PUDP: variants seen among roughly 807,000 people sequenced by gnomAD.
PUDP encodes the protein pseudouridine 5'-phosphatase.
PUDP carries 8 observed loss-of-function variants against 9.4 expected under a neutral mutation model. The observed-to-expected ratio is 0.85, with a 90% CI of 0.50 to 1.53. PUDP has a LOEUF of 1.53. Among genes scored for constraint, PUDP ranks in the 40% most tolerant of loss-of-function variants. PUDP has a pLI of 0.00. For missense variants in PUDP, 188 were observed against 189.7 expected, an observed-to-expected ratio of 0.99 and a Z score of 0.05; for synonymous variants, 99 against 80.7, an observed-to-expected ratio of 1.23 and a Z score of -1.22.
chrX:6,981,248 T>C (rs1929028629), intron 1 of PUDP, among the ~76,000 whole-genome samples: 1 of 112,021 alleles, frequency 8.9e-6, no homozygotes, highest in Non-Finnish European at 1.9e-5. Flanking sequence ...TGGTCAGCAG[T>C]TGAGAACTGT....
At chrX:6,791,457 A>G (rs1304563875) in intron 3 of PUDP, among the ~76,000 whole-genome samples, 1 of 112,010 alleles carries the variant, frequency 8.9e-6, no homozygotes, top group East Asian at 2.8e-4. Context: ...AAGAGTAACC[A>G]AGGTTATGAA....
chrX:7,123,401 T>A (rs1445546395), intron 1 of PUDP, among the ~76,000 whole-genome samples: 3 of 111,477 alleles, frequency 2.7e-5, no homozygotes, highest in African/African-American at 6.5e-5. Context: ...AGAAATACAG[T>A]AAAGGACAGA....
intron 3 of PUDP, among the ~76,000 whole-genome samples, chrX:6,870,350 G>A (rs1927156403): frequency 8.9e-6 from 1 of 111,907 alleles, no homozygotes; most frequent in African/African-American, 3.3e-5. Flanking sequence ...GGGAACTGGT[G>A]GAAGGTAACT....
At chrX:6,843,619 G>A (rs949750221) in intron 3 of PUDP, among the ~76,000 whole-genome samples, 10 of 111,578 alleles carry the variant, frequency 9.0e-5, no homozygotes, top group Non-Finnish European at 3.8e-5. Context: ...ACAGCATGTC[G>A]ATGAGCGATG....
rs1193198518 is a variant in PUDP at position 7,049,475 on chromosome X, C to T, written c.*821G>A. The T allele has an allele frequency of 8.9e-6, 1 of 112,475 alleles. No individual in the cohort carries two copies. Among genetic ancestry groups the T allele is most frequent in the African/African-American group, 3.2e-5 (1 of 30,868 alleles). The allele number at this position is 112,475 out of a possible 1,213,427, so 9.3% of individuals were successfully genotyped here. A position where few individuals can be genotyped will look rare whatever the true frequency, so the allele number is the denominator to read the frequency against. ...CAAATGGTTGTTGTGAGGTAGCAAA[C>T]ATTTTCCAATGCAGGTAAGGATGTA... On this transcript the variant is annotated 3_prime_UTR_variant, in exon 4 of 4. Coordinates refer to ENST00000381077, the MANE Select transcript of PUDP (RefSeq NM_012080.5).
At chrX:6,884,854 A>G (rs147170211) in intron 3 of PUDP, among the ~76,000 whole-genome samples, 2,250 of 112,218 alleles carry the variant, frequency 0.02, 58 homozygotes, top group African/African-American at 0.07. Flanking sequence ...GGTTTTATGA[A>G]CATCTGTGCT....
intron 3 of PUDP, among the ~76,000 whole-genome samples, chrX:6,800,117 G>A (rs1441432592): frequency 8.9e-6 from 1 of 111,986 alleles, no homozygotes; most frequent in African/African-American, 3.2e-5. Context: ...AGGAAGAATT[G>A]TATTTTACAC....
intron 2 of PUDP, among the ~76,000 whole-genome samples, chrX:7,089,474 G>A (rs1309077481): frequency 9.0e-6 from 1 of 111,319 alleles, no homozygotes; most frequent in Non-Finnish European, 1.9e-5. Flanking sequence ...GTGGCATTCT[G>A]AATGCACAGC....
chrX:7,035,284 G>T (rs2146828169), intron 1 of PUDP, among the ~76,000 whole-genome samples: 1 of 111,537 alleles, frequency 9.0e-6, no homozygotes, highest in Admixed American at 9.6e-5. Context: ...TTATTTTGAG[G>T]TAATATATAC....
intron 3 of PUDP, among the ~76,000 whole-genome samples, chrX:6,751,963 A>G (rs1209799941): frequency 9.1e-6 from 1 of 110,164 alleles, no homozygotes; most frequent in East Asian, 2.9e-4. Flanking sequence ...TCTCTCTTCC[A>G]TCAGGAGTCC....
chrX:6,821,281 G>A (rs1170845285), intron 3 of PUDP, among the ~76,000 whole-genome samples: 1 of 111,603 alleles, frequency 9.0e-6, no homozygotes, highest in African/African-American at 3.3e-5. Flanking sequence ...ACAGGAACAG[G>A]AGAGACACCC....
intron 3 of PUDP, among the ~76,000 whole-genome samples, chrX:6,976,327 G>T (rs1928955422): frequency 8.9e-6 from 1 of 111,915 alleles, no homozygotes; most frequent in Non-Finnish European, 1.9e-5. Flanking sequence ...GGGCCCTGGT[G>T]GTATAGATAC....
At chrX:6,760,203 T>C (rs934609232) in intron 3 of PUDP, among the ~76,000 whole-genome samples, 1 of 111,853 alleles carries the variant, frequency 8.9e-6, no homozygotes, top group Non-Finnish European at 1.9e-5. Flanking sequence ...CAGCTGTCCC[T>C]CTTTTCTCAA....
At chrX:7,002,673 C>G (rs905642803) in intron 1 of PUDP, among the ~76,000 whole-genome samples, 2 of 111,172 alleles carry the variant, frequency 1.8e-5, no homozygotes, top group African/African-American at 6.6e-5. Flanking sequence ...GGACTAGGTT[C>G]TGACTCACCT....
At chrX:6,752,694 G>A (rs750500135) in intron 3 of PUDP, among the ~76,000 whole-genome samples, 2 of 110,849 alleles carry the variant, frequency 1.8e-5, no homozygotes, top group Non-Finnish European at 3.8e-5. Context: ...AAGGAGGGAA[G>A]GATAGGAATG....
intron 1 of PUDP, among the ~76,000 whole-genome samples, chrX:7,120,377 G>A (rs1218799091): frequency 9.0e-6 from 1 of 110,902 alleles, no homozygotes; most frequent in African/African-American, 3.3e-5. Context: ...GCCCAGGAAT[G>A]GCGGCCACTC....
chrX:6,779,550 G>A (rs1324896923), intron 3 of PUDP, among the ~76,000 whole-genome samples: 1 of 111,894 alleles, frequency 8.9e-6, no homozygotes, highest in Non-Finnish European at 1.9e-5. Flanking sequence ...CCTTGGACCA[G>A]GCTTACTGAC....
chrX:6,819,021 A>C (rs1926295375), intron 3 of PUDP, among the ~76,000 whole-genome samples: 1 of 111,954 alleles, frequency 8.9e-6, no homozygotes, highest in Non-Finnish European at 1.9e-5. Flanking sequence ...AGAGCTCACT[A>C]GAAAATTTCT....
At chrX:6,766,184 G>A (rs958312732) in intron 3 of PUDP, among the ~76,000 whole-genome samples, 1 of 111,797 alleles carries the variant, frequency 8.9e-6, no homozygotes, top group Non-Finnish European at 1.9e-5. Flanking sequence ...GTTCTCCAAT[G>A]AAGAAAATCT....
Sources: gnomAD v4.1 joint callset for allele counts (sites outside exome capture counted in the v4.1 genomes callset) on GRCh38, gnomAD v4.1.1 for gene constraint, MANE v1.5 for transcripts, NCBI Gene and HGNC (gene_info 2026-07-23, HGNC 2026-07-21) for gene names.